Variants in PSMD7 observed in about 807,000 individuals in gnomAD.
The protein encoded by PSMD7 is proteasome 26S subunit, non-ATPase 7.
Under a neutral mutation model 36.4 loss-of-function variants are expected in PSMD7, and 13 were observed. That is an observed-to-expected ratio of 0.36 (90% CI 0.23 to 0.57). The LOEUF is 0.57. PSMD7 is among the 20% of genes least tolerant of loss of function. PSMD7 has a pLI of 0.83. For synonymous variants in PSMD7, 186 were observed against 151.0 expected (o/e 1.23, Z -1.70); for missense variants, 298 against 393.6 (o/e 0.76, Z 2.06).
In PSMD7 at chr16:74,305,864, G is replaced by A. The variant is rs139999979; in HGVS notation, c.*131G>A. 7,186 of 1,077,516 alleles carry A rather than the reference G, an allele frequency of 6.7e-3. 34 individuals carry two copies. The highest frequency in any genetic ancestry group is 8.2e-3 in the Non-Finnish European group (6,690 of 811,122). 66.7% of individuals were successfully genotyped at this position (1,077,516 alleles called of 1,614,324 possible). A position where few individuals can be genotyped will look rare whatever the true frequency, so the allele number is the denominator to read the frequency against. On this transcript the variant is annotated 3_prime_UTR_variant, in exon 7 of 7. Transcript: ENST00000219313. ...GACCCAACAAGAGCTCTCTGCCTCC[G>A]GTCACTCTTGCTGTGGTGCTACGTG...
intron 5 of PSMD7, 103 bp from the exon 6 acceptor site, chr16:74,304,200 A>G: frequency 9.9e-7 from 1 of 1,007,206 alleles, no homozygotes; most frequent in South Asian, 1.4e-5. Context: ...TCATGCACTC[A>G]TTAAATGAGC....
rs754195281 is a variant in PSMD7, at chr16:74,302,275, G to T, written c.421G>T (p.Val141Leu). ...LGLPTEAYIS[V>L]EEVHDDGTPT... ...GCTGCCTACAGAAGCGTACATTTCA[G>T]TGGAAGAAGTCCATGATGTAAGTCA... Residue 141 changes from valine (V) to leucine (L), a missense_variant, in exon 5 of 7, where the codon GTG (valine) becomes TTG (leucine). By Grantham distance (32) the Val-to-Leu change is conservative. Coordinates refer to ENST00000219313, the MANE Select transcript of PSMD7 (RefSeq NM_002811.5). 7 of 1,613,834 alleles carry T rather than the reference G, an allele frequency of 4.3e-6. No homozygotes were observed. In the South Asian group the frequency reaches 6.6e-5, roughly 15 times the overall value.
At chr16:74,303,923 T>C (rs2034175447) in intron 5 of PSMD7, 2 of 157,290 alleles carry the variant, frequency 1.3e-5, no homozygotes, top group African/African-American at 2.4e-5. Context: ...GTTTTCGCCA[T>C]GTTGCCCAGG....
intron 1 of PSMD7, chr16:74,299,553 A>G (rs757535346): frequency 8.8e-6 from 4 of 455,256 alleles, no homozygotes; most frequent in South Asian, 4.7e-5. Flanking sequence ...TGCCCGGCTA[A>G]GTTTTGTATT....
chr16:74,300,084 A>T, intron 1 of PSMD7, 31 bp from the exon 2 acceptor site: 1 of 1,582,368 alleles, frequency 6.3e-7, no homozygotes, highest in Non-Finnish European at 8.7e-7. Context: ...GTGCGAGCCT[A>T]TCCACACTGA....
chr16:74,297,439 C>T (rs909173261), intron 1 of PSMD7, among the ~76,000 whole-genome samples: 1 of 152,008 alleles, frequency 6.6e-6, no homozygotes, highest in Non-Finnish European at 1.5e-5. Context: ...TTGGCTCTGA[C>T]CCCCGACCCC....
At chr16:74,297,418 G>C (rs1365580285) in intron 1 of PSMD7, among the ~76,000 whole-genome samples, 1 of 151,896 alleles carries the variant, frequency 6.6e-6, no homozygotes, top group African/African-American at 2.4e-5. Flanking sequence ...GCGGAGGCGG[G>C]CTAGCTTCAT....
At chr16:74,298,758 C>G in intron 1 of PSMD7, among the ~76,000 whole-genome samples, 1 of 152,084 alleles carries the variant, frequency 6.6e-6, no homozygotes. Flanking sequence ...CCTGGAGTCT[C>G]AGCTACTCGG....
chr16:74,301,223 C>A, intron 3 of PSMD7, 79 bp downstream of exon 3: 1 of 908,420 alleles, frequency 1.1e-6, no homozygotes, highest in Non-Finnish European at 1.7e-6. Flanking sequence ...TTTTCTTTAA[C>A]ATCAAGGGCC....
intron 5 of PSMD7, among the ~76,000 whole-genome samples, chr16:74,302,706 G>A (rs2034164953): frequency 6.6e-6 from 1 of 152,220 alleles, no homozygotes; most frequent in Non-Finnish European, 1.5e-5. Context: ...TCACACCACT[G>A]CATTCCAACC....
intron 5 of PSMD7, among the ~76,000 whole-genome samples, 170 bp downstream of exon 5, chr16:74,302,462 A>G (rs529527506): frequency 6.6e-6 from 1 of 152,304 alleles, no homozygotes; most frequent in East Asian, 1.9e-4. Context: ...AGAGGAACAT[A>G]GAAATCTAAA....
intron 1 of PSMD7, among the ~76,000 whole-genome samples, chr16:74,297,296 G>C (rs1407928468): frequency 1.3e-5 from 2 of 152,194 alleles, no homozygotes; most frequent in Non-Finnish European, 2.9e-5. Flanking sequence ...ATGATGCTGG[G>C]GGTCGGGAGA....
Position 74,302,301 on chromosome 16 carries a change from T to C in PSMD7, c.438+9T>C, listed in dbSNP as rs962547541. The stretch of plus-strand genomic sequence containing the variant: ...TGGAAGAAGTCCATGATGTAAGTCA[T>C]CTTGCTATGAACCTGGGAGGTTAGA... On this transcript the variant is annotated intron_variant, in intron 5 of 6. Transcript: ENST00000219313. 1 of 1,612,108 alleles carries C rather than the reference T, an allele frequency of 6.2e-7. No homozygotes were observed. The highest frequency in any genetic ancestry group is 1.3e-5 in the African/African-American group (1 of 74,868).
rs186823132 is a variant in PSMD7 at position 74,298,010 on chromosome 16, A to G, written c.74+1022A>G. ...GGTTTCAGTTTTTATTTAAAACACG[A>G]GGCCGAGCATGGTGGCTCACGCCTG... On this transcript the variant is annotated intron_variant, in intron 1 of 6. Coordinates refer to ENST00000219313, the MANE Select transcript of PSMD7 (RefSeq NM_002811.5). Among the ~76,000 whole-genome samples the G allele has an allele frequency of 5.9e-5, 9 of 152,156 alleles. No individual in the cohort carries two copies. In the South Asian group the frequency reaches 1.7e-3, roughly 28 times the overall value.
At chr16:74,301,688 T>C in intron 4 of PSMD7, 36 bp downstream of exon 4, 1 of 1,557,978 alleles carries the variant, frequency 6.4e-7, no homozygotes, top group Non-Finnish European at 8.8e-7. Flanking sequence ...CTTGAATGAT[T>C]TTTTTTGCCA....
chr16:74,296,823 G>A lies in PSMD7; in HGVS notation c.-92G>A, dbSNP rs144668882. 2,014 of 1,373,314 alleles carry A rather than the reference G, an allele frequency of 1.5e-3. 30 individuals carry two copies. In the African/African-American group the frequency reaches 0.025, roughly 17 times the overall value. 85.1% of individuals were successfully genotyped at this position (1,373,314 alleles called of 1,614,324 possible). ...CGAGGGCTGACGAACCGGAAGAAGAGGAACTGGGCCTGAAAGGGTACCGGT... is the reference window on the plus strand; with the variant it reads ...CGAGGGCTGACGAACCGGAAGAAGAAGAACTGGGCCTGAAAGGGTACCGGT... On this transcript the variant is annotated 5_prime_UTR_variant, in exon 1 of 7. Coordinates refer to ENST00000219313, the MANE Select transcript of PSMD7 (RefSeq NM_002811.5).
intron 5 of PSMD7, 79 bp downstream of exon 5, chr16:74,302,371 TCAA>T: frequency 8.6e-7 from 1 of 1,167,808 alleles, no homozygotes; most frequent in Non-Finnish European, 1.2e-6. Flanking sequence ...AATTTTCAGG[TCAA>T]CAAATCCTTT....
rs1254750744 is a variant in PSMD7 at position 74,303,170 on chromosome 16, G to T, written c.438+878G>T. Among the ~76,000 whole-genome samples, 5 of 152,162 alleles carry T rather than the reference G, an allele frequency of 3.3e-5. No individual in the cohort carries two copies. In the South Asian group the frequency reaches 1.0e-3, roughly 32 times the overall value. Reference sequence around the variant, plus strand: ...TCAAGAAGAATTAGTGCCTGTAAAGGTTACCAAGAAATCCCACAACACTGT... The same window carrying T: ...TCAAGAAGAATTAGTGCCTGTAAAGTTTACCAAGAAATCCCACAACACTGT... On this transcript the variant is annotated intron_variant, in intron 5 of 6. Coordinates refer to ENST00000219313, the MANE Select transcript of PSMD7 (RefSeq NM_002811.5).
intron 1 of PSMD7, among the ~76,000 whole-genome samples, chr16:74,298,622 G>A (rs942476451): frequency 6.6e-6 from 1 of 152,102 alleles, no homozygotes; most frequent in Non-Finnish European, 1.5e-5. Context: ...TAGCACTTTC[G>A]GAGACCGAGG....
Sources: allele counts gnomAD v4.1 joint callset (sites outside exome capture counted in the v4.1 genomes callset), GRCh38; gene constraint gnomAD v4.1.1; transcripts MANE v1.5; gene names NCBI Gene and HGNC (gene_info 2026-07-23, HGNC 2026-07-21).